ATP6V1H: variants seen among roughly 807,000 people sequenced by gnomAD.
ATP6V1H encodes the protein ATPase H+ transporting V1 subunit H, also known as V-type proton ATPase subunit H.
In ATP6V1H, 39 loss-of-function variants were observed where a neutral mutation model predicts 71.7. That is an observed-to-expected ratio of 0.54 (90% CI 0.42 to 0.71). The LOEUF is 0.71. Among genes scored for constraint, ATP6V1H ranks in the 30% least tolerant of loss-of-function variants. The pLI is 0.00. For synonymous variants in ATP6V1H, 192 were observed against 199.3 expected (o/e 0.96, Z 0.31); for missense variants, 509 against 594.9 (o/e 0.86, Z 1.50).
intron 9 of ATP6V1H, among the ~76,000 whole-genome samples, chr8:53,795,214 G>C (rs940559558): frequency 4.6e-5 from 7 of 152,086 alleles, no homozygotes; most frequent in African/African-American, 1.7e-4. Flanking sequence ...ATCCTAATAG[G>C]ATAACTTTAC....
At chr8:53,726,285 C>CA (rs1362630654) in intron 13 of ATP6V1H, among the ~76,000 whole-genome samples, 1 of 152,120 alleles carries the variant, frequency 6.6e-6, no homozygotes. Context: ...TAATTTCTAA[C>CA]AATTTTTTCC....
intron 12 of ATP6V1H, among the ~76,000 whole-genome samples, chr8:53,750,118 T>C (rs917853077): frequency 6.6e-6 from 1 of 152,182 alleles, no homozygotes; most frequent in Non-Finnish European, 1.5e-5. Context: ...GCCAGTACAG[T>C]TGATAAGGTA....
intron 9 of ATP6V1H, among the ~76,000 whole-genome samples, chr8:53,787,570 A>G (rs1809427950): frequency 6.6e-6 from 1 of 152,234 alleles, no homozygotes; most frequent in South Asian, 2.1e-4. Flanking sequence ...GATGAAAAGT[A>G]TATCACTGTA....
intron 9 of ATP6V1H, among the ~76,000 whole-genome samples, chr8:53,780,615 T>G (rs1809080253): frequency 6.6e-6 from 1 of 152,154 alleles, no homozygotes; most frequent in Admixed American, 6.5e-5. Flanking sequence ...TATGTAGCCA[T>G]GTGCCATGTT....
At position 53,814,575 on chromosome 8, in the gene ATP6V1H, T is replaced by C. The variant is rs1810386846; in HGVS notation, c.525+87A>G. 7 of 728,352 alleles carry C rather than the reference T, an allele frequency of 9.6e-6. No individual in the cohort carries two copies. The South Asian group carries it at 1.5e-4, about 15-fold the overall frequency. The allele number at this position is 728,352 out of a possible 1,614,324, so 45.1% of individuals were successfully genotyped here. On this transcript the variant is annotated intron_variant, in intron 6 of 13. Coordinates refer to ENST00000359530, the MANE Select transcript of ATP6V1H (RefSeq NM_015941.4). ...CGGCATTATTTTAATAAAACATTTTTGTAATTTAACATATTTACTATAAAT... is the reference window on the plus strand; with the variant it reads ...CGGCATTATTTTAATAAAACATTTTCGTAATTTAACATATTTACTATAAAT...
Position 53,841,079 on chromosome 8 carries a change from T to C in ATP6V1H, c.113+499A>G, listed in dbSNP as rs76244029. ...TCTCCCCATTTCACATTTTACTTTATTGAGCCTCAGAGAAGTTAAGTGATT... is the reference window on the plus strand; with the variant it reads ...TCTCCCCATTTCACATTTTACTTTACTGAGCCTCAGAGAAGTTAAGTGATT... On this transcript the variant is annotated intron_variant, in intron 2 of 13. Coordinates refer to ENST00000359530, the MANE Select transcript of ATP6V1H (RefSeq NM_015941.4). Among the ~76,000 whole-genome samples the C allele has an allele frequency of 6.6e-5, 10 of 152,324 alleles. No homozygotes were observed. In the East Asian group the frequency reaches 1.7e-3, roughly 26 times the overall value.
At chr8:53,811,095 A>C (rs1810258849) in intron 7 of ATP6V1H, 69 bp downstream of exon 7, 1 of 1,421,192 alleles carries the variant, frequency 7.0e-7, no homozygotes, top group Non-Finnish European at 9.8e-7. Flanking sequence ...CACCTTCAAA[A>C]TTTTAAGTGT....
At chr8:53,734,251 G>A (rs1303870799) in intron 13 of ATP6V1H, among the ~76,000 whole-genome samples, 2 of 152,172 alleles carry the variant, frequency 1.3e-5, no homozygotes, top group African/African-American at 4.8e-5. Context: ...AAGCCCTGTC[G>A]AGCATAACTG....
intron 13 of ATP6V1H, among the ~76,000 whole-genome samples, chr8:53,737,217 C>T (rs1015123597): frequency 3.3e-5 from 5 of 152,222 alleles, no homozygotes; most frequent in African/African-American, 7.2e-5. Context: ...GTCTGCGGCT[C>T]GTCCTGCTAT....
intron 4 of ATP6V1H, among the ~76,000 whole-genome samples, chr8:53,822,011 T>A (rs976094176): frequency 1.3e-5 from 2 of 152,092 alleles, no homozygotes; most frequent in African/African-American, 4.8e-5. Context: ...AAATAGCTGA[T>A]TGAGTTCAAG....
chr8:53,764,920 G>A (rs1394496067), intron 11 of ATP6V1H, among the ~76,000 whole-genome samples: 1 of 152,070 alleles, frequency 6.6e-6, no homozygotes, highest in Admixed American at 6.6e-5. Context: ...GCAACAGAGT[G>A]ACATCCCATC....
intron 9 of ATP6V1H, among the ~76,000 whole-genome samples, chr8:53,776,209 C>G (rs962618670): frequency 6.6e-6 from 1 of 152,202 alleles, no homozygotes; most frequent in Non-Finnish European, 1.5e-5. Context: ...GCCCGCCAAG[C>G]CCACGCCCAC....
intron 7 of ATP6V1H, among the ~76,000 whole-genome samples, chr8:53,805,396 GTAAT>G (rs1213612549): frequency 1.3e-5 from 2 of 152,164 alleles, no homozygotes; most frequent in African/African-American, 4.8e-5. Context: ...AGTTCTAAAA[GTAAT>G]TAATATGTTT....
At chr8:53,732,394 T>TA (rs1807054938) in intron 13 of ATP6V1H, among the ~76,000 whole-genome samples, 1 of 152,146 alleles carries the variant, frequency 6.6e-6, no homozygotes, top group South Asian at 2.1e-4. Flanking sequence ...TACAGAACCT[T>TA]AAAAAAGGTT....
intron 2 of ATP6V1H, among the ~76,000 whole-genome samples, chr8:53,838,619 T>A (rs374741354): frequency 6.6e-6 from 1 of 152,222 alleles, no homozygotes; most frequent in East Asian, 1.9e-4. Context: ...TTTAAACTCA[T>A]GAGCAAGGAT....
chr8:53,743,558 G>T lies in ATP6V1H; in HGVS notation c.1391+19C>A, dbSNP rs1356420640. 1.9e-6 allele frequency: 3 copies of T among 1,589,568 alleles called. No individual in the cohort carries two copies. The African/African-American group carries it at 4.0e-5, about 21-fold the overall frequency. Reference sequence around the variant, plus strand: ...TTTGCAGACTAATGTACAAGTGTGAGCAAAAAGCCGTGGCATACCAGTTGT... The same window carrying T: ...TTTGCAGACTAATGTACAAGTGTGATCAAAAAGCCGTGGCATACCAGTTGT... On this transcript the variant is annotated intron_variant, in intron 13 of 13. Transcript: ENST00000359530.
chr8:53,740,796 A>G (rs1807380887), intron 13 of ATP6V1H, among the ~76,000 whole-genome samples: 1 of 152,224 alleles, frequency 6.6e-6, no homozygotes. Flanking sequence ...GCAAAAGATT[A>G]CTTTCCAAAT....
intron 9 of ATP6V1H, among the ~76,000 whole-genome samples, chr8:53,776,278 T>G (rs1225536618): frequency 2.0e-5 from 3 of 152,032 alleles, no homozygotes; most frequent in Non-Finnish European, 4.4e-5. Context: ...CTCGTGCCTC[T>G]CCCTCCACAC....
At chr8:53,834,100 G>A (rs1050906208) in intron 2 of ATP6V1H, among the ~76,000 whole-genome samples, 1 of 152,080 alleles carries the variant, frequency 6.6e-6, no homozygotes, top group African/African-American at 2.4e-5. Flanking sequence ...GTAAGACTCT[G>A]GGCACTTCAG....
Sources: gnomAD v4.1 joint callset for allele counts (sites outside exome capture counted in the v4.1 genomes callset) on GRCh38, gnomAD v4.1.1 for gene constraint, MANE v1.5 for transcripts, NCBI Gene and HGNC (gene_info 2026-07-23, HGNC 2026-07-21) for gene names.